The following NLRP13 variants were observed in gnomAD, a reference collection of about 807,000 sequenced individuals.
NLRP13 encodes NLR family pyrin domain containing 13.
NLRP13 carries 82 observed loss-of-function variants against 94.4 expected under a neutral mutation model. That is an observed-to-expected ratio of 0.87 (90% confidence interval 0.73 to 1.04). The LOEUF is 1.04. Ranked by LOEUF, NLRP13 falls within the 50% of genes least tolerant of loss-of-function variation. The pLI is 0.00. For synonymous variants in NLRP13, 553 were observed against 464.7 expected (o/e 1.19, Z -2.45); for missense variants, 1,426 against 1,230.8 (o/e 1.16, Z -2.37).
intron 6 of NLRP13, 59 bp from the exon 7 acceptor site, chr19:55,908,015 C>T (rs1986402740): frequency 1.3e-6 from 2 of 1,482,276 alleles, no homozygotes; most frequent in Non-Finnish European, 9.2e-7. Context: ...TTCCAGGATC[C>T]CGTCTGCCTC....
At chr19:55,904,690 G>A (rs570387980) in intron 8 of NLRP13, among the ~76,000 whole-genome samples, 1 of 152,230 alleles carries the variant, frequency 6.6e-6, no homozygotes, top group South Asian at 2.1e-4. Flanking sequence ...GCTCACATAT[G>A]AGTTGACCAA....
At position 55,923,976 on chromosome 19, in the gene NLRP13, T is replaced by C. The variant is rs1568445860; in HGVS notation, c.461A>G (p.Asn154Ser). The C allele has an allele frequency of 3.1e-6, 5 of 1,613,138 alleles. No individual in the cohort carries two copies. The highest frequency in any genetic ancestry group is 4.2e-6 in the Non-Finnish European group (5 of 1,179,218). The change falls in exon 4 of 11, where the codon AAT (asparagine) becomes AGT (serine). Residue 154 changes from asparagine to serine, a missense_variant. By Grantham distance (46) the Asn-to-Ser change is conservative. Coordinates refer to ENST00000342929, the MANE Select transcript of NLRP13 (RefSeq NM_176810.2). ...ATCTTGGCATCCCTGGGCCTGTACA[T>C]TCCCTGAAATAAACAGTGATGATGA... is the stretch of plus-strand genomic sequence containing the variant. ...ELDELEEETG[N>S]VQAQGCQDPN...
rs115646414 is a variant in NLRP13 at position 55,913,428 on chromosome 19, G to A, written c.524-135C>T. 1.8e-3 allele frequency: 1,849 copies of A among 1,012,052 alleles called. 21 individuals carry two copies. In the African/African-American group the frequency reaches 0.021, roughly 11 times the overall value. The allele number at this position is 1,012,052 out of a possible 1,614,324, so 62.7% of individuals were successfully genotyped here. ...TCCAGGATTTTGTGGGAATGCAGTGGTAGAAAGTTGCAAAAGGAGGCTGAG... is the reference window on the plus strand; with the variant it reads ...TCCAGGATTTTGTGGGAATGCAGTGATAGAAAGTTGCAAAAGGAGGCTGAG... On this transcript the variant is annotated intron_variant, in intron 4 of 10. Transcript: ENST00000342929.
intron 8 of NLRP13, among the ~76,000 whole-genome samples, chr19:55,903,130 ATAC>A (rs1446558628): frequency 6.6e-6 from 1 of 152,054 alleles, no homozygotes; most frequent in Non-Finnish European, 1.5e-5. Flanking sequence ...TAGGGTTGTA[ATAC>A]TAATTATAAT....
chr19:55,916,562 C>G (rs959378610), intron 4 of NLRP13, among the ~76,000 whole-genome samples: 1 of 152,070 alleles, frequency 6.6e-6, no homozygotes, highest in African/African-American at 2.4e-5. Flanking sequence ...GTGAAAAATT[C>G]ATTGAAGTTA....
chr19:55,892,898 G>A (rs1235044647), downstream of NLRP13, among the ~76,000 whole-genome samples: 1 of 152,104 alleles, frequency 6.6e-6, no homozygotes, highest in Non-Finnish European at 1.5e-5. Flanking sequence ...AGTACTCCAT[G>A]GTGTATGTGG....
At chr19:55,921,710 A>T (rs1341365470) in intron 4 of NLRP13, among the ~76,000 whole-genome samples, 1 of 152,216 alleles carries the variant, frequency 6.6e-6, no homozygotes, top group African/African-American at 2.4e-5. Flanking sequence ...ACAATTGCAC[A>T]TATCATCCTA....
intron 4 of NLRP13, among the ~76,000 whole-genome samples, chr19:55,919,305 T>C (rs890236629): frequency 6.6e-6 from 1 of 152,066 alleles, no homozygotes; most frequent in Non-Finnish European, 1.5e-5. Context: ...CCCCAAGAAC[T>C]GGAACAAGAC....
chr19:55,900,927 A>G lies in NLRP13; in HGVS notation c.2789+1108T>C, dbSNP rs1002450358. The stretch of plus-strand genomic sequence containing the variant: ...GATTGTAATATATGCTCTTCTCTCT[A>G]AAGTTTCAAAATCCCCTGGAAGAAT... On this transcript the variant is annotated intron_variant, in intron 9 of 10. Transcript: ENST00000342929. 2.6e-5 allele frequency among the ~76,000 whole-genome samples: 4 copies of G among 152,136 alleles called. No homozygotes were observed. In the South Asian group the frequency reaches 8.3e-4, roughly 32 times the overall value.
chr19:55,892,078 T>A, downstream of NLRP13: 1 of 1,230,286 alleles, frequency 8.1e-7, no homozygotes, highest in Non-Finnish European at 1.0e-6. Context: ...TTCTGTGAGG[T>A]CTGTATCTCC....
intron 7 of NLRP13, among the ~76,000 whole-genome samples, chr19:55,907,002 C>T (rs530624065): frequency 6.6e-6 from 1 of 152,154 alleles, no homozygotes; most frequent in Non-Finnish European, 1.5e-5. Flanking sequence ...CTCTGTTGCC[C>T]AGGCTGGAGT....
chr19:55,929,361 A>C (rs1251544113), intron 1 of NLRP13, among the ~76,000 whole-genome samples: 1 of 152,208 alleles, frequency 6.6e-6, no homozygotes, highest in Admixed American at 6.5e-5. Flanking sequence ...AATAGCAAAG[A>C]CTTGGAACCA....
Position 55,907,947 on chromosome 19 carries a change from C to CG in NLRP13, c.2291dup (p.Val765GlyfsTer4). The stretch of plus-strand genomic sequence containing the variant: ...CCTGCAGAACCCACTCAGGAGTTAC[C>CG]GATTTGCACCTGAGGAAGGGAAGGG... On this transcript the variant is annotated frameshift_variant, in exon 7 of 11. Transcript: ENST00000342929. LOFTEE classifies it high-confidence loss of function. 1 of 1,594,514 alleles carries CG rather than the reference C, an allele frequency of 6.3e-7. No individual in the cohort carries two copies. Among genetic ancestry groups the CG allele is most frequent in the Non-Finnish European group, 8.6e-7 (1 of 1,167,458 alleles).
intron 8 of NLRP13, among the ~76,000 whole-genome samples, chr19:55,903,549 C>T (rs986212965): frequency 6.6e-6 from 1 of 152,120 alleles, no homozygotes; most frequent in African/African-American, 2.4e-5. Context: ...TAGATTCCCG[C>T]AGTCCTGCCT....
rs1987128183 is a variant in NLRP13, at chr19:55,931,354, T to A, written c.319+639A>T. On this transcript the variant is annotated intron_variant, in intron 1 of 10. Transcript: ENST00000342929. Reference sequence around the variant, plus strand: ...AAACCATGCATAAGCTAACATGAAATCTGTGCTGCACTCAAATTGTTCCCA... The same window carrying A: ...AAACCATGCATAAGCTAACATGAAAACTGTGCTGCACTCAAATTGTTCCCA... 2.0e-5 allele frequency among the ~76,000 whole-genome samples: 3 copies of A among 151,922 alleles called. No individual in the cohort carries two copies. The South Asian group carries it at 6.2e-4, about 32-fold the overall frequency.
At chr19:55,924,513 T>C in intron 3 of NLRP13, 77 bp downstream of exon 3, 1 of 993,110 alleles carries the variant, frequency 1.0e-6, no homozygotes, top group Non-Finnish European at 1.6e-6. Context: ...AATTTCAGCA[T>C]AGGCAGCAAA....
In NLRP13 at chr19:55,902,148, C is replaced by T. The variant is rs770444624; in HGVS notation, c.2676G>A (p.Leu892=). ...PACKHLSDAL[L]QNRSLTHLNL... is the part of the protein sequence containing the mutation. ...TCAGGTGTGTCAGGCTCCTGTTCTG[C>T]AGGAGAGCATCTGACAAGTGCTTGC... The change falls in exon 9 of 11, where the codon CTG becomes CTA. Residue 892 remains leucine, a synonymous_variant. Transcript: ENST00000342929. 7 of 1,614,054 alleles carry T rather than the reference C, an allele frequency of 4.3e-6. No homozygotes were observed. Among genetic ancestry groups the T allele is most frequent in the African/African-American group, 4.0e-5 (3 of 75,028 alleles).
chr19:55,902,270 A>G, intron 8 of NLRP13, 65 bp from the exon 9 acceptor site: 1 of 1,337,728 alleles, frequency 7.5e-7, no homozygotes. Flanking sequence ...CTCCTGGAAC[A>G]GAGCCTCAGG....
chr19:55,901,180 A>G (rs302833), intron 9 of NLRP13, among the ~76,000 whole-genome samples: 104,914 of 152,106 alleles, frequency 0.69, 37,417 homozygotes, highest in Middle Eastern at 0.84. Context: ...CTCAGACAAA[A>G]GATTTCTCAG....
Sources: allele counts gnomAD v4.1 joint callset (sites outside exome capture counted in the v4.1 genomes callset), GRCh38; gene constraint gnomAD v4.1.1; transcripts MANE v1.5; gene names NCBI Gene and HGNC (gene_info 2026-07-23, HGNC 2026-07-21).